DLG2: variants seen among roughly 807,000 people sequenced by gnomAD.
The protein encoded by DLG2 is discs large MAGUK scaffold protein 2, also known as disks large homolog 2.
In DLG2, 45 loss-of-function variants were observed where a neutral mutation model predicts 132.5. That is an observed-to-expected ratio of 0.34 (90% CI 0.27 to 0.44). The LOEUF (loss-of-function observed/expected upper bound fraction) is 0.44. Ranked by LOEUF, DLG2 falls within the 20% of genes least tolerant of loss-of-function variation. The pLI is 1.00. For synonymous variants in DLG2, 424 were observed against 419.6 expected (o/e 1.01, Z -0.13); for missense variants, 1,045 against 1,196.9 (o/e 0.87, Z 1.87).
At chr11:84,827,251 C>T (rs535487959) in intron 6 of DLG2, among the ~76,000 whole-genome samples, 7 of 151,434 alleles carry the variant, frequency 4.6e-5, no homozygotes, top group Admixed American at 1.3e-4. Flanking sequence ...ACACCGTGTT[C>T]GAGGGGGCAT....
At chr11:85,089,447 G>T (rs2068425332) in intron 6 of DLG2, among the ~76,000 whole-genome samples, 1 of 152,148 alleles carries the variant, frequency 6.6e-6, no homozygotes, top group Non-Finnish European at 1.5e-5. Flanking sequence ...ATATGTTTCT[G>T]TAAAGGAAAT....
chr11:85,334,030 G>C (rs1166092575), intron 3 of DLG2, among the ~76,000 whole-genome samples: 1 of 152,046 alleles, frequency 6.6e-6, no homozygotes, highest in African/African-American at 2.4e-5. Flanking sequence ...TTATACATCT[G>C]GTAGAATTCA....
chr11:85,395,862 A>T (rs2087302036), intron 3 of DLG2, among the ~76,000 whole-genome samples: 1 of 152,232 alleles, frequency 6.6e-6, no homozygotes, highest in South Asian at 2.1e-4. Context: ...GGCAGCAGAC[A>T]GCTTCTGCAG....
In DLG2 at chr11:85,128,344, T is replaced by C. The variant is rs78715936; in HGVS notation, c.283-16609A>G. 5.3e-3 allele frequency among the ~76,000 whole-genome samples: 809 copies of C among 152,224 alleles called. 10 individuals carry two copies. Among genetic ancestry groups the C allele is most frequent in the African/African-American group, 0.019 (783 of 41,554 alleles). Reference sequence around the variant, plus strand: ...AACAATTTTATCTTCAGAGAAAATATAGAATAATGTTAGATTCAAAATAGA... The same window carrying C: ...AACAATTTTATCTTCAGAGAAAATACAGAATAATGTTAGATTCAAAATAGA... On this transcript the variant is annotated intron_variant, in intron 5 of 27. Transcript: ENST00000376104.
chr11:83,635,464 A>G (rs138422381), intron 18 of DLG2, among the ~76,000 whole-genome samples: 10 of 152,248 alleles, frequency 6.6e-5, no homozygotes, highest in African/African-American at 2.4e-4. Flanking sequence ...AGAAAAACAC[A>G]GGATAAAAAT....
At chr11:84,489,828 T>G (rs2099160163) in intron 7 of DLG2, among the ~76,000 whole-genome samples, 1 of 152,000 alleles carries the variant, frequency 6.6e-6, no homozygotes, top group Non-Finnish European at 1.5e-5. Flanking sequence ...TAAAATTTCA[T>G]ATATTCTATC....
intron 6 of DLG2, among the ~76,000 whole-genome samples, chr11:84,739,092 T>C (rs962528674): frequency 2.0e-5 from 3 of 152,094 alleles, no homozygotes; most frequent in Non-Finnish European, 4.4e-5. Flanking sequence ...GTGATGGTAA[T>C]TATCTGGAAC....
intron 6 of DLG2, among the ~76,000 whole-genome samples, chr11:84,664,231 C>T (rs889433515): frequency 7.2e-5 from 11 of 152,054 alleles, no homozygotes; most frequent in East Asian, 3.9e-4. Flanking sequence ...GTGTACATAT[C>T]GTTCCCTTTT....
intron 3 of DLG2, among the ~76,000 whole-genome samples, chr11:85,346,160 G>C (rs1269705408): frequency 6.6e-6 from 1 of 151,864 alleles, no homozygotes; most frequent in Non-Finnish European, 1.5e-5. Flanking sequence ...CTGCTACAAG[G>C]GTTTGTGATA....
intron 4 of DLG2, among the ~76,000 whole-genome samples, chr11:85,221,013 G>GA (rs1457114785): frequency 6.6e-6 from 1 of 151,294 alleles, no homozygotes; most frequent in Non-Finnish European, 1.5e-5. Context: ...GAATTTGATA[G>GA]AAAATGGCCT....
At chr11:85,226,641 C>T (rs923794897) in intron 4 of DLG2, among the ~76,000 whole-genome samples, 3 of 152,134 alleles carry the variant, frequency 2.0e-5, no homozygotes, top group Admixed American at 2.0e-4. Context: ...GGGGTAGAAA[C>T]ATTGGAGAGG....
chr11:83,616,501 T>G (rs2060836247), intron 19 of DLG2, among the ~76,000 whole-genome samples: 1 of 97,776 alleles, frequency 1.0e-5, no homozygotes, highest in Admixed American at 8.9e-5. Flanking sequence ...AAAAAAAATG[T>G]TTTTTTTTTC....
chr11:84,374,943 T>A (rs2098723113), intron 7 of DLG2, among the ~76,000 whole-genome samples: 1 of 152,112 alleles, frequency 6.6e-6, no homozygotes. Context: ...CTAAATACAA[T>A]ATGTATTTTA....
chr11:83,749,185 T>C (rs1341060288), intron 18 of DLG2, among the ~76,000 whole-genome samples: 1 of 152,164 alleles, frequency 6.6e-6, no homozygotes, highest in East Asian at 1.9e-4. Flanking sequence ...GCAGTGATGA[T>C]TAGCATGGAG....
intron 3 of DLG2, among the ~76,000 whole-genome samples, chr11:85,415,994 A>G (rs533686972): frequency 2.0e-4 from 31 of 152,198 alleles, no homozygotes; most frequent in Non-Finnish European, 3.5e-4. Context: ...TATGGTTTTT[A>G]CGGTTTTTAG....
At chr11:85,148,917 A>AT (rs1259382671) in intron 5 of DLG2, among the ~76,000 whole-genome samples, 1 of 152,104 alleles carries the variant, frequency 6.6e-6, no homozygotes, top group Non-Finnish European at 1.5e-5. Flanking sequence ...TCTTGAGTTA[A>AT]TTTTTGTATA....
intron 6 of DLG2, among the ~76,000 whole-genome samples, chr11:84,589,855 C>T (rs765483312): frequency 1.4e-4 from 21 of 152,162 alleles, no homozygotes; most frequent in African/African-American, 3.9e-4. Context: ...ACTACCAAGA[C>T]GGAATTTATT....
chr11:84,220,348 T>A (rs778396567), intron 8 of DLG2, among the ~76,000 whole-genome samples: 2 of 152,210 alleles, frequency 1.3e-5, no homozygotes, highest in Non-Finnish European at 2.9e-5. Flanking sequence ...GTATCTATAA[T>A]ACTCACTGCT....
At chr11:83,464,034 G>GTAAA (rs981314923) in intron 26 of DLG2, among the ~76,000 whole-genome samples, 1 of 152,124 alleles carries the variant, frequency 6.6e-6, no homozygotes, top group African/African-American at 2.4e-5. Flanking sequence ...GAATAGATGA[G>GTAAA]TAAATGAATG....
Sources: gnomAD v4.1 joint callset for allele counts (sites outside exome capture counted in the v4.1 genomes callset) on GRCh38, gnomAD v4.1.1 for gene constraint, MANE v1.5 for transcripts, NCBI Gene and HGNC (gene_info 2026-07-23, HGNC 2026-07-21) for gene names.